DCDC1: variants seen among roughly 807,000 people sequenced by gnomAD.
DCDC1 encodes the protein doublecortin domain-containing protein 1.
A neutral mutation model predicts 178.3 loss-of-function variants in DCDC1; 200 were observed. The observed-to-expected ratio is 1.12, with a 90% CI of 1.00 to 1.26. The LOEUF (loss-of-function observed/expected upper bound fraction) is 1.26, where lower values mean the gene tolerates loss of function less well. Among genes scored for constraint, DCDC1 ranks in the 50% most tolerant of loss-of-function variants. The pLI is 0.00. For synonymous variants in DCDC1, 690 were observed against 604.8 expected (o/e 1.14, Z -2.07); for missense variants, 1,983 against 1,749.2 (o/e 1.13, Z -2.38).
At position 31,212,094 on chromosome 11, in the gene DCDC1, A is replaced by C. The variant is rs1338495404; in HGVS notation, c.1221+29356T>G. Among the ~76,000 whole-genome samples, 3 of 151,914 alleles carry C rather than the reference A, an allele frequency of 2.0e-5. No homozygotes were observed. In the South Asian group the frequency reaches 6.2e-4, roughly 32 times the overall value. ...CGAGACTCAGTCTCAAAAAAAAAAA[A>C]AAAACAGCTAAGCATAGTTAAGTAA... On this transcript the variant is annotated intron_variant, in intron 9 of 38. Coordinates refer to ENST00000684477, the MANE Select transcript of DCDC1 (RefSeq NM_001387274.1).
chr11:31,277,712 CTTCT>C (rs1430121760), intron 7 of DCDC1, among the ~76,000 whole-genome samples: 1 of 151,936 alleles, frequency 6.6e-6, no homozygotes, highest in Non-Finnish European at 1.5e-5. Context: ...ATTTCTATGT[CTTCT>C]TAGTAAAATG....
chr11:31,007,952 C>T (rs924862746), intron 20 of DCDC1, among the ~76,000 whole-genome samples: 3 of 152,086 alleles, frequency 2.0e-5, no homozygotes, highest in Non-Finnish European at 2.9e-5. Context: ...TGTGAGCCAC[C>T]GTGCCCAGCT....
At chr11:31,308,017 C>G in intron 3 of DCDC1, 109 bp from the exon 4 acceptor site, 4 of 1,395,456 alleles carry the variant, frequency 2.9e-6, no homozygotes, top group Non-Finnish European at 3.9e-6. Flanking sequence ...AAATACTACA[C>G]ACTTAGCCAT....
chr11:31,172,623 C>A (rs1275533899), intron 9 of DCDC1, among the ~76,000 whole-genome samples: 1 of 152,094 alleles, frequency 6.6e-6, no homozygotes, highest in Non-Finnish European at 1.5e-5. Flanking sequence ...TCAATTAACT[C>A]ATATTTTTAG....
intron 20 of DCDC1, among the ~76,000 whole-genome samples, chr11:31,002,905 A>G (rs1363680919): frequency 6.6e-6 from 1 of 152,194 alleles, no homozygotes; most frequent in African/African-American, 2.4e-5. Context: ...TTACACAATT[A>G]TTAACATGCT....
At chr11:30,946,003 G>C (rs1305213341) in intron 21 of DCDC1, among the ~76,000 whole-genome samples, 1 of 151,904 alleles carries the variant, frequency 6.6e-6, no homozygotes, top group Non-Finnish European at 1.5e-5. Context: ...TCAAATTGAA[G>C]GTTCAAACTT....
intron 20 of DCDC1, among the ~76,000 whole-genome samples, chr11:30,976,221 C>T (rs75289607): frequency 0.019 from 2,860 of 151,878 alleles, 43 homozygotes; most frequent in Non-Finnish European, 0.03. Flanking sequence ...ACCTAAGACC[C>T]GAAACTATAA....
intron 20 of DCDC1, among the ~76,000 whole-genome samples, chr11:30,990,170 C>G (rs1950893407): frequency 6.6e-6 from 1 of 151,566 alleles, no homozygotes; most frequent in African/African-American, 2.4e-5. Flanking sequence ...GGGGTGTCAA[C>G]TACAGTGGAA....
intron 20 of DCDC1, among the ~76,000 whole-genome samples, chr11:30,997,928 T>C (rs1951356660): frequency 6.6e-6 from 1 of 152,066 alleles, no homozygotes; most frequent in African/African-American, 2.4e-5. Flanking sequence ...GCTGATTCTA[T>C]ATTGCAGCAA....
intron 36 of DCDC1, among the ~76,000 whole-genome samples, chr11:30,889,370 T>G (rs1943577881): frequency 6.6e-6 from 1 of 152,200 alleles, no homozygotes; most frequent in African/African-American, 2.4e-5. Context: ...TGAGAGAAAG[T>G]CCACATTGGA....
chr11:31,021,816 C>T (rs1952898456), intron 20 of DCDC1, among the ~76,000 whole-genome samples: 1 of 152,090 alleles, frequency 6.6e-6, no homozygotes, highest in South Asian at 2.1e-4. Context: ...ACTCTGGGAG[C>T]CAAATGGCTC....
intron 6 of DCDC1, among the ~76,000 whole-genome samples, chr11:31,294,023 T>G (rs987127157): frequency 1.3e-5 from 2 of 152,174 alleles, no homozygotes; most frequent in African/African-American, 4.8e-5. Context: ...GCTTAATCAT[T>G]TCTCTCCAAC....
chr11:30,914,880 C>T (rs1000487038), intron 27 of DCDC1, among the ~76,000 whole-genome samples: 1 of 152,034 alleles, frequency 6.6e-6, no homozygotes, highest in African/African-American at 2.4e-5. Flanking sequence ...TTGGACCCAA[C>T]AAAATTAATA....
chr11:30,900,618 C>T, intron 32 of DCDC1, 120 bp from the exon 33 acceptor site: 1 of 1,042,286 alleles, frequency 9.6e-7, no homozygotes, highest in Non-Finnish European at 1.3e-6. Context: ...TTTAAACAGG[C>T]AATGCCAAAA....
chr11:31,344,321 C>T (rs1038747604), intron 1 of DCDC1, among the ~76,000 whole-genome samples: 5 of 152,208 alleles, frequency 3.3e-5, no homozygotes, highest in African/African-American at 1.2e-4. Context: ...AGAAAAACCA[C>T]AATCTTCCTT....
At chr11:31,147,665 T>G (rs944342972) in intron 9 of DCDC1, among the ~76,000 whole-genome samples, 3 of 152,212 alleles carry the variant, frequency 2.0e-5, no homozygotes, top group Admixed American at 2.0e-4. Flanking sequence ...TCCAAATTCA[T>G]GGGACATTTA....
chr11:30,937,602 T>C (rs1947354897), intron 21 of DCDC1, among the ~76,000 whole-genome samples: 1 of 152,168 alleles, frequency 6.6e-6, no homozygotes, highest in African/African-American at 2.4e-5. Context: ...TTTTTCTGAC[T>C]ACCTATTCCA....
chr11:30,936,282 A>C (rs1380983301), intron 21 of DCDC1, among the ~76,000 whole-genome samples: 2 of 152,186 alleles, frequency 1.3e-5, no homozygotes, highest in Non-Finnish European at 2.9e-5. Context: ...TCATAGAGGG[A>C]CAATCCCAAG....
At chr11:30,888,599 C>T (rs1387376650) in intron 36 of DCDC1, among the ~76,000 whole-genome samples, 1 of 152,072 alleles carries the variant, frequency 6.6e-6, no homozygotes, top group African/African-American at 2.4e-5. Context: ...TGCCTGTAAT[C>T]CCAGCTACTC....
Sources: allele counts gnomAD v4.1 joint callset (sites outside exome capture counted in the v4.1 genomes callset), GRCh38; gene constraint gnomAD v4.1.1; transcripts MANE v1.5; gene names NCBI Gene and HGNC (gene_info 2026-07-23, HGNC 2026-07-21).